Variants in YBX1 observed in about 807,000 individuals in gnomAD.
The protein encoded by YBX1 is Y-box binding protein 1, also known as Y-box-binding protein 1.
A neutral mutation model predicts 41.4 loss-of-function variants in YBX1; 3 were observed. That is an observed-to-expected ratio of 0.07 (90% CI 0.03 to 0.19). The LOEUF is 0.19. YBX1 is among the 10% of genes least tolerant of loss of function. The pLI is 1.00. For synonymous variants in YBX1, 133 were observed against 165.8 expected (o/e 0.80, Z 1.52); for missense variants, 274 against 462.8 (o/e 0.59, Z 3.74).
At chr1:42,687,470 C>T (rs1228464161) in intron 2 of YBX1, among the ~76,000 whole-genome samples, 1 of 152,108 alleles carries the variant, frequency 6.6e-6, no homozygotes, top group African/African-American at 2.4e-5. Flanking sequence ...TTAGTGGAAA[C>T]AGGGTTTCTC....
At chr1:42,685,763 A>T (rs1650179296) in intron 2 of YBX1, among the ~76,000 whole-genome samples, 1 of 152,230 alleles carries the variant, frequency 6.6e-6, no homozygotes, top group Admixed American at 6.5e-5. Flanking sequence ...ACAATATTGT[A>T]TGTAAATTTT....
intron 2 of YBX1, among the ~76,000 whole-genome samples, chr1:42,685,027 T>A (rs1650157847): frequency 1.3e-5 from 2 of 152,248 alleles, no homozygotes; most frequent in Non-Finnish European, 2.9e-5. Context: ...AAATCACTGC[T>A]TTTAACCCTT....
intron 2 of YBX1, among the ~76,000 whole-genome samples, chr1:42,689,250 A>G (rs1448706525): frequency 6.6e-6 from 1 of 152,066 alleles, no homozygotes; most frequent in Non-Finnish European, 1.5e-5. Context: ...GGTGTTTAAT[A>G]GAGAAGAAAT....
At chr1:42,689,273 G>A (rs1049081962) in intron 2 of YBX1, among the ~76,000 whole-genome samples, 2 of 152,140 alleles carry the variant, frequency 1.3e-5, no homozygotes, top group Non-Finnish European at 2.9e-5. Context: ...AAAGATAAGT[G>A]GACATTATTA....
chr1:42,699,131 G>T (rs1163206764), intron 6 of YBX1, among the ~76,000 whole-genome samples: 2 of 152,190 alleles, frequency 1.3e-5, no homozygotes, highest in Non-Finnish European at 2.9e-5. Flanking sequence ...GAAAGTGACT[G>T]CTGGAACTGT....
Position 42,697,164 on chromosome 1 carries a change from C to T in YBX1, c.658-16C>T. The T allele has an allele frequency of 6.2e-7, 1 of 1,609,270 alleles. No homozygotes were observed. Among genetic ancestry groups the T allele is most frequent in the Non-Finnish European group, 8.5e-7 (1 of 1,178,614 alleles). On this transcript the variant is annotated splice_polypyrimidine_tract_variant and intron_variant, in intron 5 of 7. Coordinates refer to ENST00000321358, the MANE Select transcript of YBX1 (RefSeq NM_004559.5). ...ATTACTGACCCAGTAGGCTTAATTT[C>T]CATTGTCTTTTTCAGGGTGCTGACA... is the stretch of plus-strand genomic sequence containing the variant.
At chr1:42,689,544 A>C (rs1042273656) in intron 2 of YBX1, among the ~76,000 whole-genome samples, 7 of 152,208 alleles carry the variant, frequency 4.6e-5, no homozygotes, top group Non-Finnish European at 1.0e-4. Flanking sequence ...GTTTTCTAAA[A>C]TTTAGCTTAT....
In YBX1 at chr1:42,702,120, G is replaced by A. The variant is rs921194814; in HGVS notation, c.*171G>A. On this transcript the variant is annotated 3_prime_UTR_variant, in exon 8 of 8. Transcript: ENST00000321358. The stretch of plus-strand genomic sequence containing the variant: ...ATCTGCATTATCTATGCAGCATGGG[G>A]TTTTTATTATTTTTACCTAAAGACG... 12 of 154,222 alleles carry A rather than the reference G, an allele frequency of 7.8e-5. No individual in the cohort carries two copies. The highest frequency in any genetic ancestry group is 2.9e-4 in the African/African-American group (12 of 41,444). The allele number at this position is 154,222 out of a possible 1,614,324, so 9.6% of individuals were successfully genotyped here. A position where few individuals can be genotyped will look rare whatever the true frequency, so the allele number is the denominator to read the frequency against.
At chr1:42,697,403 A>G (rs1429180433) in intron 6 of YBX1, 141 bp downstream of exon 6, 1 of 747,870 alleles carries the variant, frequency 1.3e-6, no homozygotes, top group Non-Finnish European at 2.1e-6. Flanking sequence ...AGGTGAACCT[A>G]TTAAAAACAG....
chr1:42,683,241 G>C, intron 1 of YBX1, 162 bp from the exon 2 acceptor site: 1 of 806,508 alleles, frequency 1.2e-6, no homozygotes, highest in South Asian at 1.4e-5. Flanking sequence ...CACGTGTGCG[G>C]CGGCGGCGGC....
At chr1:42,692,899 G>A (rs538519072) in intron 2 of YBX1, among the ~76,000 whole-genome samples, 25 of 152,302 alleles carry the variant, frequency 1.6e-4, no homozygotes, top group African/African-American at 2.4e-4. Flanking sequence ...ACATGGCTCC[G>A]TGGTCTAAAC....
At chr1:42,698,139 G>A (rs1020253232) in intron 6 of YBX1, among the ~76,000 whole-genome samples, 8 of 152,194 alleles carry the variant, frequency 5.3e-5, no homozygotes, top group Non-Finnish European at 1.2e-4. Context: ...TATACTGTGA[G>A]TCTATAAGAG....
At chr1:42,697,374 C>G (rs1650487851) in intron 6 of YBX1, 112 bp downstream of exon 6, 1 of 1,018,926 alleles carries the variant, frequency 9.8e-7, no homozygotes, top group Non-Finnish European at 1.4e-6. Context: ...TTCACGTTTT[C>G]TTTCATCAGA....
intron 2 of YBX1, among the ~76,000 whole-genome samples, chr1:42,691,852 A>G (rs1443096785): frequency 1.3e-5 from 2 of 151,628 alleles, no homozygotes; most frequent in Admixed American, 6.6e-5. Flanking sequence ...CTATCTTTGG[A>G]AAAAAATTTT....
intron 6 of YBX1, among the ~76,000 whole-genome samples, chr1:42,699,017 A>G (rs1202749232): frequency 6.6e-6 from 1 of 152,146 alleles, no homozygotes; most frequent in East Asian, 1.9e-4. Flanking sequence ...TGAAAATGAG[A>G]CTAATAGTAG....
rs1029569178 is a variant in YBX1, at chr1:42,682,608, C to G, written c.43C>G (p.Pro15Ala). Residue 15 changes from proline to alanine, a missense_variant, in exon 1 of 8, where the codon CCC (proline) becomes GCC (alanine). By Grantham distance (27) the Pro-to-Ala change is conservative. Coordinates refer to ENST00000321358, the MANE Select transcript of YBX1 (RefSeq NM_004559.5). ...GACCCAGCAGCCGCCCGCCGCCCCCCCCGCCGCCCCCGCCCTCAGCGCCGC... is the reference window on the plus strand; with the variant it reads ...GACCCAGCAGCCGCCCGCCGCCCCCGCCGCCGCCCCCGCCCTCAGCGCCGC... The part of the protein sequence containing the change: ...AETQQPPAAP[P>A]AAPALSAADT... 1.1e-5 allele frequency: 16 copies of G among 1,442,662 alleles called. No individual in the cohort carries two copies. The highest frequency in any genetic ancestry group is 1.3e-5 in the Non-Finnish European group (14 of 1,101,880). 89.4% of individuals were successfully genotyped at this position (1,442,662 alleles called of 1,614,324 possible). A position where few individuals can be genotyped will look rare whatever the true frequency, so the allele number is the denominator to read the frequency against.
intron 6 of YBX1, among the ~76,000 whole-genome samples, chr1:42,699,438 G>A (rs1037675226): frequency 5.9e-5 from 9 of 151,814 alleles, no homozygotes; most frequent in African/African-American, 2.2e-4. Flanking sequence ...TAGCCATTTG[G>A]GCATCAGGCT....
rs1650458837 is a variant in YBX1, at chr1:42,696,398, T to C, written c.354+110T>C. 3 of 1,129,656 alleles carry C rather than the reference T, an allele frequency of 2.7e-6. No individual in the cohort carries two copies. The highest frequency in any genetic ancestry group is 3.8e-6 in the Non-Finnish European group (3 of 783,806). 70.0% of individuals were successfully genotyped at this position (1,129,656 alleles called of 1,614,324 possible). ...GGATGGATGTGTTCAGGTGACCTCA[T>C]GAACACAGGTGCATCAAGCCTAATG... On this transcript the variant is annotated intron_variant, in intron 4 of 7. Coordinates refer to ENST00000321358, the MANE Select transcript of YBX1 (RefSeq NM_004559.5). This position sits in a 1 kb window ranked among gnomAD's most constrained non-coding sequence, Gnocchi z 5.7.
chr1:42,686,469 A>G (rs1182261130), intron 2 of YBX1, among the ~76,000 whole-genome samples: 1 of 152,190 alleles, frequency 6.6e-6, no homozygotes, highest in Non-Finnish European at 1.5e-5. Context: ...TATTGTCACC[A>G]CATTTAGGTG....
Sources: gnomAD v4.1 joint callset for allele counts (sites outside exome capture counted in the v4.1 genomes callset) on GRCh38, gnomAD v4.1.1 for gene constraint, Gnocchi (gnomAD v3.1) non-coding constraint, MANE v1.5 for transcripts, NCBI Gene and HGNC (gene_info 2026-07-23, HGNC 2026-07-21) for gene names.